ANGPTL2: variants seen among roughly 807,000 people sequenced by gnomAD.
The protein encoded by ANGPTL2 is angiopoietin-related protein 2.
A neutral mutation model predicts 52.8 loss-of-function variants in ANGPTL2; 25 were observed. The ratio of observed to expected loss-of-function variants is 0.47; its 90% CI spans 0.35 to 0.66. The LOEUF (loss-of-function observed/expected upper bound fraction) is 0.66, where lower values mean the gene tolerates loss of function less well. ANGPTL2 is among the 30% of genes least tolerant of loss of function. The probability of loss-of-function intolerance (pLI) is 0.01; values close to 1 mark genes in which losing one functional copy is unlikely to be tolerated. For missense variants in ANGPTL2, 546 were observed against 656.9 expected (o/e 0.83, Z 1.84); for synonymous variants, 276 against 277.4 (o/e 1.00, Z 0.05).
At position 127,091,765 on chromosome 9, in the gene ANGPTL2, C is replaced by A. The variant is rs762189652; in HGVS notation, c.1187G>T (p.Arg396Leu). ...CGCATTGCCATGGTAGCGCCCCAGCCGCAGCTTATAATACTCGCTCTCAGG... is the reference window on the plus strand; with the variant it reads ...CGCATTGCCATGGTAGCGCCCCAGCAGCAGCTTATAATACTCGCTCTCAGG... ...LEPESEYYKLRLGRYHGNAGD... is the reference protein window; with the variant it reads ...LEPESEYYKLLLGRYHGNAGD... The change falls in exon 4 of 5, where the codon CGG becomes CTG. Residue 396 changes from arginine to leucine, a missense_variant. Coordinates refer to ENST00000373425, the MANE Select transcript of ANGPTL2 (RefSeq NM_012098.3). The surrounding 1 kb of genome is among the most constrained non-coding windows in gnomAD (Gnocchi z 4.3). 6.2e-6 allele frequency: 10 copies of A among 1,614,164 alleles called. No homozygotes were observed. The highest frequency in any genetic ancestry group is 8.5e-6 in the Non-Finnish European group (10 of 1,180,038).
rs558412422 is a variant in ANGPTL2, at chr9:127,107,900, C to T, written c.817+15G>A. On this transcript the variant is annotated intron_variant, in intron 2 of 4. Coordinates refer to ENST00000373425, the MANE Select transcript of ANGPTL2 (RefSeq NM_012098.3). Reference sequence around the variant, plus strand: ...CTCTGAGACCCACATGTAACACGATCCCAGAAGCACTTACCCGACGGCTTG... The same window carrying T: ...CTCTGAGACCCACATGTAACACGATTCCAGAAGCACTTACCCGACGGCTTG... 96 of 1,518,820 alleles carry T rather than the reference C, an allele frequency of 6.3e-5. No individual in the cohort carries two copies. In the South Asian group the frequency reaches 1.1e-3, roughly 18 times the overall value. The allele number at this position is 1,518,820 out of a possible 1,614,324, so 94.1% of individuals were successfully genotyped here. A position where few individuals can be genotyped will look rare whatever the true frequency, so the allele number is the denominator to read the frequency against.
chr9:127,100,380 G>A (rs1016669280), intron 2 of ANGPTL2, among the ~76,000 whole-genome samples: 6 of 152,128 alleles, frequency 3.9e-5, no homozygotes, highest in South Asian at 2.1e-4. Context: ...ATTTGACCTC[G>A]GGAGAAACAG....
chr9:127,117,230 T>C (rs546633345), intron 1 of ANGPTL2, among the ~76,000 whole-genome samples: 1 of 152,318 alleles, frequency 6.6e-6, no homozygotes, highest in South Asian at 2.1e-4. Context: ...AGCTCACAAG[T>C]GCAGCTGTGG....
rs2136315389 is a variant in ANGPTL2, at chr9:127,088,764, C to T, written c.*175G>A. The T allele has an allele frequency of 2.8e-6, 2 of 713,368 alleles. No individual in the cohort carries two copies. Among genetic ancestry groups the T allele is most frequent in the East Asian group, 2.7e-5 (1 of 36,844 alleles). The allele number at this position is 713,368 out of a possible 1,614,324, so 44.2% of individuals were successfully genotyped here. On this transcript the variant is annotated 3_prime_UTR_variant, in exon 5 of 5. Coordinates refer to ENST00000373425, the MANE Select transcript of ANGPTL2 (RefSeq NM_012098.3). ...GAAGGAAAGTAGGAGGGACAGAAAA[C>T]ACCGTATCGATTCAGTTCCATCATC...
rs754439219 is a variant in ANGPTL2, at chr9:127,088,454, C to G, written c.*485G>C. 7 of 167,076 alleles carry G rather than the reference C, an allele frequency of 4.2e-5. No individual in the cohort carries two copies. Among genetic ancestry groups the G allele is most frequent in the Non-Finnish European group, 6.5e-5 (5 of 77,096 alleles). 10.3% of individuals were successfully genotyped at this position (167,076 alleles called of 1,614,324 possible). A position where few individuals can be genotyped will look rare whatever the true frequency, so the allele number is the denominator to read the frequency against. The stretch of plus-strand genomic sequence containing the variant: ...ACAACACTAATGAAATGCTTTTCTC[C>G]TAAGAGCAAAGCTGCTGGTGACAGC... On this transcript the variant is annotated 3_prime_UTR_variant, in exon 5 of 5. Coordinates refer to ENST00000373425, the MANE Select transcript of ANGPTL2 (RefSeq NM_012098.3).
chr9:127,096,553 T>C (rs2053161949), intron 2 of ANGPTL2, among the ~76,000 whole-genome samples: 1 of 152,210 alleles, frequency 6.6e-6, no homozygotes, highest in African/African-American at 2.4e-5. Context: ...GCAGTTGGCC[T>C]CGTGGCTCCA....
At chr9:127,104,947 C>CTGAT (rs1365715597) in intron 2 of ANGPTL2, among the ~76,000 whole-genome samples, 10 of 152,182 alleles carry the variant, frequency 6.6e-5, no homozygotes, top group African/African-American at 2.2e-4. Flanking sequence ...CTGAACAGAC[C>CTGAT]TGATAAGAAT....
intron 2 of ANGPTL2, among the ~76,000 whole-genome samples, chr9:127,100,546 G>A (rs946562653): frequency 3.3e-5 from 5 of 152,228 alleles, no homozygotes; most frequent in Admixed American, 3.3e-4. Flanking sequence ...GTGTACAGAG[G>A]TGAGCAGCTC....
At chr9:127,095,694 G>A (rs749938087) in intron 2 of ANGPTL2, among the ~76,000 whole-genome samples, 6 of 152,292 alleles carry the variant, frequency 3.9e-5, no homozygotes, top group Non-Finnish European at 8.8e-5. Context: ...ATCAGTGACA[G>A]GTATACTCAG....
chr9:127,112,844 C>T (rs2054982936), intron 1 of ANGPTL2, among the ~76,000 whole-genome samples: 1 of 152,262 alleles, frequency 6.6e-6, no homozygotes, highest in Admixed American at 6.5e-5. Flanking sequence ...TTGACTAATG[C>T]TTGCACAGGG....
At chr9:127,090,022 A>C (rs114466746) in intron 4 of ANGPTL2, among the ~76,000 whole-genome samples, 12,419 of 152,210 alleles carry the variant, frequency 0.082, 1,671 homozygotes, top group African/African-American at 0.28. Context: ...AGGAGGTCGC[A>C]CTCAGTCTGA....
chr9:127,089,089 G>A lies in ANGPTL2; in HGVS notation c.1332C>T (p.Ala444=), dbSNP rs747021731. The part of the protein sequence containing the change: ...QKGGWWYNAC[A]HSNLNGVWYR... ...ACCAGACCCCGTTGAGGTTGGAGTG[G>A]GCACAGGCGTTATACCACCAGCCTC... The change falls in exon 5 of 5, where the codon GCC becomes GCT. Residue 444 remains alanine, a synonymous_variant. Coordinates refer to ENST00000373425, the MANE Select transcript of ANGPTL2 (RefSeq NM_012098.3). The A allele has an allele frequency of 1.2e-6, 2 of 1,614,104 alleles. No homozygotes were observed. Among genetic ancestry groups the A allele is most frequent in the African/African-American group, 1.3e-5 (1 of 74,940 alleles).
At chr9:127,108,815 C>G in intron 1 of ANGPTL2, 35 bp from the exon 2 acceptor site, 1 of 1,382,924 alleles carries the variant, frequency 7.2e-7, no homozygotes, top group Non-Finnish European at 9.7e-7. Context: ...CAGTGATGGT[C>G]CCACCACTGT....
rs2052120922 is a variant in ANGPTL2 at position 127,089,028 on chromosome 9, C to A, written c.1393G>T (p.Gly465Ter). ...GGHYRSRYQD[G>*]VYWAEFRGGS... ...CCTCGGAACTCAGCCCAGTAGACTC[C>A]GTCCTGGTAGCGGCTCCGGTAATGG... Residue 465 changes from glycine (G) to a stop codon, truncating the protein, a stop_gained, in exon 5 of 5, where the codon GGA becomes TGA. Coordinates refer to ENST00000373425, the MANE Select transcript of ANGPTL2 (RefSeq NM_012098.3). LOFTEE classifies it high-confidence loss of function. 1.2e-6 allele frequency: 2 copies of A among 1,614,220 alleles called. No individual in the cohort carries two copies. The highest frequency in any genetic ancestry group is 1.7e-6 in the Non-Finnish European group (2 of 1,180,034).
chr9:127,119,417 T>C lies in ANGPTL2; in HGVS notation c.-50+2898A>G, dbSNP rs181800730. Reference sequence around the variant, plus strand: ...CCAGTGACAGTCAGGATAAGAGAAGTTGAGGTGTCTAAACAAGGCACTGAA... The same window carrying C: ...CCAGTGACAGTCAGGATAAGAGAAGCTGAGGTGTCTAAACAAGGCACTGAA... On this transcript the variant is annotated intron_variant, in intron 1 of 4. Transcript: ENST00000373425. 1.9e-4 allele frequency among the ~76,000 whole-genome samples: 29 copies of C among 152,182 alleles called. No individual in the cohort carries two copies. The East Asian group carries it at 5.6e-3, about 29-fold the overall frequency.
chr9:127,110,590 C>T (rs2054702341), intron 1 of ANGPTL2, among the ~76,000 whole-genome samples: 1 of 152,192 alleles, frequency 6.6e-6, no homozygotes, highest in South Asian at 2.1e-4. Flanking sequence ...GACATTTCCA[C>T]TTGACTATCT....
intron 3 of ANGPTL2, among the ~76,000 whole-genome samples, chr9:127,093,277 G>T (rs936479992): frequency 2.6e-5 from 4 of 152,180 alleles, no homozygotes; most frequent in Admixed American, 1.3e-4. Flanking sequence ...TAGGACTTGA[G>T]CATTGCCACA....
chr9:127,120,532 T>A (rs1283998666), intron 1 of ANGPTL2, among the ~76,000 whole-genome samples: 2 of 152,296 alleles, frequency 1.3e-5, no homozygotes, highest in African/African-American at 2.4e-5. Flanking sequence ...GGGAAAGAAT[T>A]TGGGTCTCTG....
chr9:127,105,689 G>A (rs1195940766), intron 2 of ANGPTL2, among the ~76,000 whole-genome samples: 4 of 152,114 alleles, frequency 2.6e-5, no homozygotes, highest in African/African-American at 4.8e-5. Flanking sequence ...TGGCCTCGAC[G>A]GATACTCCCT....
Sources: allele counts gnomAD v4.1 joint callset (sites outside exome capture counted in the v4.1 genomes callset), GRCh38; gene constraint gnomAD v4.1.1; non-coding constraint Gnocchi (gnomAD v3.1); transcripts MANE v1.5; gene names NCBI Gene and HGNC (gene_info 2026-07-23, HGNC 2026-07-21).